The following CCDC73 variants were observed in gnomAD, a reference collection of about 807,000 sequenced individuals.
CCDC73 encodes the protein coiled-coil domain containing 73, also known as coiled-coil domain-containing protein 73.
In CCDC73, 95 loss-of-function variants were observed where a neutral mutation model predicts 116.5. The observed-to-expected ratio is 0.82, with a 90% CI of 0.69 to 0.97. The LOEUF is 0.97. Among genes scored for constraint, CCDC73 ranks in the 50% least tolerant of loss-of-function variants. CCDC73 has a pLI of 0.00. For missense variants in CCDC73, 1,066 were observed against 1,206.8 expected, an observed-to-expected ratio of 0.88 and a Z score of 1.73; for synonymous variants, 398 against 401.3, an observed-to-expected ratio of 0.99 and a Z score of 0.10.
chr11:32,737,603 G>A (rs1224239193), intron 2 of CCDC73, among the ~76,000 whole-genome samples: 1 of 142,702 alleles, frequency 7.0e-6, no homozygotes, highest in Non-Finnish European at 1.5e-5. Flanking sequence ...GGGCAACAGA[G>A]CAAGACTGTG....
chr11:32,644,144 A>G (rs1434628995), intron 12 of CCDC73, among the ~76,000 whole-genome samples: 1 of 152,210 alleles, frequency 6.6e-6, no homozygotes, highest in Non-Finnish European at 1.5e-5. Flanking sequence ...ACCATGGAAT[A>G]CTACACAGCC....
the CCDC73 span, among the ~76,000 whole-genome samples, chr11:32,822,495 A>G: frequency 6.6e-6 from 1 of 152,198 alleles, no homozygotes; most frequent in East Asian, 1.9e-4. Flanking sequence ...GTCCTGGAAT[A>G]GTTTGACCAA....
At chr11:32,782,606 T>C (rs1276211409) in intron 1 of CCDC73, among the ~76,000 whole-genome samples, 2 of 152,020 alleles carry the variant, frequency 1.3e-5, no homozygotes, top group Non-Finnish European at 2.9e-5. Flanking sequence ...AAGACAAAGA[T>C]TAAAACAAAC....
chr11:32,621,764 C>A (rs1051381725), intron 14 of CCDC73, among the ~76,000 whole-genome samples: 1 of 152,070 alleles, frequency 6.6e-6, no homozygotes, highest in Non-Finnish European at 1.5e-5. Flanking sequence ...ATCTATCTAC[C>A]TGACAAATGG....
chr11:32,698,010 A>ATTTTTTTTTTTTTTTTTT (rs1849771437), intron 6 of CCDC73, among the ~76,000 whole-genome samples: 2 of 117,758 alleles, frequency 1.7e-5, no homozygotes, highest in African/African-American at 6.7e-5. Flanking sequence ...TCTAACACTG[A>ATTTTTTTTTTTTTTTTTT]ATTTTTTTTT....
At chr11:32,651,683 C>T (rs2133259865) in intron 12 of CCDC73, among the ~76,000 whole-genome samples, 1 of 152,354 alleles carries the variant, frequency 6.6e-6, no homozygotes, top group African/African-American at 2.4e-5. Context: ...AAGACAGTGA[C>T]CATGAAACAT....
At position 32,777,755 on chromosome 11, in the gene CCDC73, C is replaced by T. The variant is rs116301634; in HGVS notation, c.-16+16858G>A. On this transcript the variant is annotated intron_variant, in intron 1 of 17. Transcript: ENST00000335185. ...ATCTTATCTATTACTCATATTCCAACATATTACAAAAGAGATTTAAGGTGG... is the reference window on the plus strand; with the variant it reads ...ATCTTATCTATTACTCATATTCCAATATATTACAAAAGAGATTTAAGGTGG... Among the ~76,000 whole-genome samples the T allele has an allele frequency of 6.8e-3, 1,031 of 152,146 alleles. 15 individuals are homozygous for T. The highest frequency in any genetic ancestry group is 0.024 in the African/African-American group (992 of 41,520).
intron 3 of CCDC73, among the ~76,000 whole-genome samples, chr11:32,712,243 G>A (rs1849906898): frequency 6.6e-6 from 1 of 152,066 alleles, no homozygotes; most frequent in Non-Finnish European, 1.5e-5. Flanking sequence ...GAGTAGAATA[G>A]TGGTTACAAG....
rs772154497 is a variant in CCDC73 at position 32,616,133 on chromosome 11, G to T, written c.1186-4C>A. On this transcript the variant is annotated splice_polypyrimidine_tract_variant and splice_region_variant and intron_variant, in intron 14 of 17. Coordinates refer to ENST00000335185, the MANE Select transcript of CCDC73 (RefSeq NM_001008391.4). ...CATTATTTACTTCTGGAACATTCTA[G>T]TGTAAAATGGAAGAGATTCTTTTAA... is the stretch of plus-strand genomic sequence containing the variant. 10 of 1,557,456 alleles carry T rather than the reference G, an allele frequency of 6.4e-6. No individual in the cohort carries two copies. Among genetic ancestry groups the T allele is most frequent in the Non-Finnish European group, 8.6e-6 (10 of 1,160,038 alleles).
At chr11:32,656,238 C>A (rs912287262) in intron 9 of CCDC73, among the ~76,000 whole-genome samples, 1 of 152,010 alleles carries the variant, frequency 6.6e-6, no homozygotes, top group African/African-American at 2.4e-5. Flanking sequence ...CCACCACGCC[C>A]GGCTAATTTT....
chr11:32,632,612 GTGTGTGTA>G (rs1384845372), intron 14 of CCDC73, among the ~76,000 whole-genome samples: 1 of 152,094 alleles, frequency 6.6e-6, no homozygotes, highest in African/African-American at 2.4e-5. Flanking sequence ...TTGTGTGTGT[GTGTGTGTA>G]TGTGTGTATA....
chr11:32,640,634 A>G (rs1430814057), intron 13 of CCDC73, among the ~76,000 whole-genome samples: 1 of 152,180 alleles, frequency 6.6e-6, no homozygotes, highest in East Asian at 1.9e-4. Context: ...ATTCTGATAA[A>G]ATTAAATACA....
chr11:32,766,703 G>A (rs1850445553), intron 1 of CCDC73, among the ~76,000 whole-genome samples: 2 of 152,268 alleles, frequency 1.3e-5, no homozygotes, highest in South Asian at 4.2e-4. Context: ...CAAATCATGA[G>A]TGAACTCCCA....
At chr11:32,671,935 C>A (rs1476792960) in intron 9 of CCDC73, among the ~76,000 whole-genome samples, 1 of 152,188 alleles carries the variant, frequency 6.6e-6, no homozygotes, top group Non-Finnish European at 1.5e-5. Flanking sequence ...CAACACCATT[C>A]TTCTCACGCA....
the CCDC73 span, among the ~76,000 whole-genome samples, chr11:32,810,821 C>A: frequency 6.6e-6 from 1 of 152,070 alleles, no homozygotes; most frequent in African/African-American, 2.4e-5. Context: ...CCTCTCCCAG[C>A]ATCCTTACTT....
At chr11:32,695,276 G>A (rs981585018) in intron 6 of CCDC73, among the ~76,000 whole-genome samples, 1 of 151,710 alleles carries the variant, frequency 6.6e-6, no homozygotes, top group African/African-American at 2.4e-5. Flanking sequence ...GGGTGAGGCA[G>A]GAGAATCGCT....
the CCDC73 span, among the ~76,000 whole-genome samples, chr11:32,820,323 T>C: frequency 0.01 from 1,577 of 152,142 alleles, 26 homozygotes; most frequent in African/African-American, 0.036. Context: ...CCACTAATTT[T>C]TCAGTTTTTT....
intron 1 of CCDC73, among the ~76,000 whole-genome samples, chr11:32,767,464 G>A (rs1850453109): frequency 6.6e-6 from 1 of 152,162 alleles, no homozygotes; most frequent in African/African-American, 2.4e-5. Flanking sequence ...AGCCAACATT[G>A]ACAAATGGGA....
rs575752135 is a variant in CCDC73, at chr11:32,640,937, A to T, written c.1050+1035T>A. ...GAGGCGAGGCAGGAGAATGGTGTGA[A>T]CCCAGGAGGCAGAGCTTGCAGTGAG... On this transcript the variant is annotated intron_variant, in intron 13 of 17. Transcript: ENST00000335185. 2.4e-4 allele frequency among the ~76,000 whole-genome samples: 37 copies of T among 152,030 alleles called. 1 individual carries two copies. In the South Asian group the frequency reaches 7.7e-3, roughly 32 times the overall value.
Sources: allele counts gnomAD v4.1 joint callset (sites outside exome capture counted in the v4.1 genomes callset), GRCh38; gene constraint gnomAD v4.1.1; transcripts MANE v1.5; gene names NCBI Gene and HGNC (gene_info 2026-07-23, HGNC 2026-07-21).